The following IFI27 variants were observed in gnomAD, a reference collection of about 807,000 sequenced individuals.
IFI27 encodes the protein interferon alpha-inducible protein 27, mitochondrial.
In IFI27, 3 loss-of-function variants were observed where a neutral mutation model predicts 8.9. The observed-to-expected ratio is 0.34, with a 90% CI of 0.15 to 0.87. The LOEUF (loss-of-function observed/expected upper bound fraction) is 0.87, where lower values mean the gene tolerates loss of function less well. Among genes scored for constraint, IFI27 ranks in the 40% least tolerant of loss-of-function variants. The pLI is 0.51. For synonymous variants in IFI27, 66 were observed against 67.3 expected, an observed-to-expected ratio of 0.98 and a Z score of 0.09; for missense variants, 152 against 157.7, an observed-to-expected ratio of 0.96 and a Z score of 0.19.
chr14:94,109,744 T>C (rs77810274), upstream of IFI27, among the ~76,000 whole-genome samples: 383 of 152,342 alleles, frequency 2.5e-3, 3 homozygotes, highest in African/African-American at 8.6e-3. Flanking sequence ...CATTAAAGCC[T>C]TGCTGGCTCT....
At chr14:94,112,972 A>G (rs946183470) in intron 2 of IFI27, 5 of 152,268 alleles carry the variant, frequency 3.3e-5, no homozygotes, top group African/African-American at 1.2e-4. Context: ...ATAAAATTAA[A>G]ATAATAACAG....
upstream of IFI27, among the ~76,000 whole-genome samples, chr14:94,109,338 G>GAGGGCAGGGA (rs1011952176): frequency 1.4e-5 from 2 of 141,740 alleles, no homozygotes; most frequent in Non-Finnish European, 3.1e-5. Context: ...GAGGGGAGGG[G>GAGGGCAGGGA]AGGGCAGGGA....
chr14:94,113,652 A>G (rs1183553576), intron 2 of IFI27: 1 of 152,250 alleles, frequency 6.6e-6, no homozygotes, highest in Non-Finnish European at 1.5e-5. Flanking sequence ...GCCTCCAGAC[A>G]CACCGCAGCC....
chr14:94,114,899 G>A lies in IFI27; in HGVS notation c.121+19G>A, dbSNP rs1161444476. 2 of 1,613,330 alleles carry A rather than the reference G, an allele frequency of 1.2e-6. No individual in the cohort carries two copies. Among genetic ancestry groups the A allele is most frequent in the Non-Finnish European group, 1.7e-6 (2 of 1,179,254 alleles). ...GGAGGAGGTGAGTCTGTGGGGAAGGGGCTCAAGTAACCACCTGCCCCTAGG... is the reference window on the plus strand; with the variant it reads ...GGAGGAGGTGAGTCTGTGGGGAAGGAGCTCAAGTAACCACCTGCCCCTAGG... On this transcript the variant is annotated intron_variant, in intron 3 of 4. Coordinates refer to ENST00000621160, the Ensembl canonical transcript of IFI27.
At chr14:94,108,068 T>C (rs28373907), upstream of IFI27, among the ~76,000 whole-genome samples, 24,940 of 152,166 alleles carry the variant, frequency 0.16, 2,415 homozygotes, top group African/African-American at 0.27. Flanking sequence ...AACTCCCACT[T>C]ATGAGTAAGA....
At chr14:94,109,898 G>A (rs547028734), upstream of IFI27, among the ~76,000 whole-genome samples, 12 of 152,328 alleles carry the variant, frequency 7.9e-5, no homozygotes, top group South Asian at 2.5e-3. Flanking sequence ...GAGCCTGACT[G>A]TGTCATTTCT....
chr14:94,116,426 C>T lies in IFI27; in HGVS notation c.284-16C>T. On this transcript the variant is annotated splice_polypyrimidine_tract_variant and intron_variant, in intron 4 of 4. Coordinates refer to ENST00000621160, the Ensembl canonical transcript of IFI27. The surrounding 1 kb of genome is among the most constrained non-coding windows in gnomAD (Gnocchi z 4.3). ...ACAGGCATGTCCCACTCTGTCCACC[C>T]TCTGCTTCTTCCCAGGAGCAACTGG... The T allele has an allele frequency of 6.3e-7, 1 of 1,592,076 alleles. No homozygotes were observed. Among genetic ancestry groups the T allele is most frequent in the Non-Finnish European group, 8.6e-7 (1 of 1,163,070 alleles).
At chr14:94,114,559 C>A (rs1887315472) in intron 2 of IFI27, 2 of 461,726 alleles carry the variant, frequency 4.3e-6, no homozygotes, top group Admixed American at 3.5e-5. Context: ...CCTTGGGAGG[C>A]AGAAAAGAAA....
At chr14:94,106,334 C>T (rs1313735099), upstream of IFI27, among the ~76,000 whole-genome samples, 1 of 152,164 alleles carries the variant, frequency 6.6e-6, no homozygotes, top group Non-Finnish European at 1.5e-5. Context: ...GGATATATAC[C>T]CAGAGGTGGG....
chr14:94,109,320 A>AGGGAG (rs1166741734), upstream of IFI27, among the ~76,000 whole-genome samples: 3 of 106,204 alleles, frequency 2.8e-5, no homozygotes, highest in Admixed American at 2.1e-4. Context: ...AAGAAAGGAA[A>AGGGAG]GGGAGGGGAG....
chr14:94,111,487 G>T lies in IFI27; in HGVS notation c.-58-138G>T. 3.3e-6 allele frequency: 2 copies of T among 598,298 alleles called. No homozygotes were observed. The highest frequency in any genetic ancestry group is 6.0e-6 in the Non-Finnish European group (2 of 332,524). The allele number at this position is 598,298 out of a possible 1,614,324, so 37.1% of individuals were successfully genotyped here. A position where few individuals can be genotyped will look rare whatever the true frequency, so the allele number is the denominator to read the frequency against. On this transcript the variant is annotated intron_variant, in intron 1 of 4. Transcript: ENST00000621160. This position sits in a 1 kb window ranked among gnomAD's most constrained non-coding sequence, Gnocchi z 4.3. ...AACATCCCTCCCTCCCTCACCCCAG[G>T]ATCCTTTCAAGGCCTGCTGCTCCAC...
At chr14:94,110,288 T>G (rs563476763), upstream of IFI27, among the ~76,000 whole-genome samples, 1 of 152,398 alleles carries the variant, frequency 6.6e-6, no homozygotes, top group South Asian at 2.1e-4. Context: ...TATTTTGGTC[T>G]GTTTTGTTTA....
chr14:94,116,635 T>C lies in IFI27; in HGVS notation c.*108T>C. ...TATCCCAAATATACCTGGGGTGAAA[T>C]ATACCAAATTCTGCATCTCCAGAGG... On this transcript the variant is annotated 3_prime_UTR_variant, in exon 5 of 5. Transcript: ENST00000621160. This position sits in a 1 kb window ranked among gnomAD's most constrained non-coding sequence, Gnocchi z 4.3. 1 of 750,912 alleles carries C rather than the reference T, an allele frequency of 1.3e-6. No individual in the cohort carries two copies. The highest frequency in any genetic ancestry group is 2.3e-6 in the Non-Finnish European group (1 of 431,268). 46.5% of individuals were successfully genotyped at this position (750,912 alleles called of 1,614,324 possible). A position where few individuals can be genotyped will look rare whatever the true frequency, so the allele number is the denominator to read the frequency against.
At chr14:94,107,227 G>A (rs576284635), upstream of IFI27, among the ~76,000 whole-genome samples, 2 of 152,090 alleles carry the variant, frequency 1.3e-5, no homozygotes, top group South Asian at 2.1e-4. Flanking sequence ...ACACCACCAC[G>A]CCTTGCTAAT....
At chr14:94,115,389 CTCTTACATAA>C in intron 3 of IFI27, 1 of 534,752 alleles carries the variant, frequency 1.9e-6, no homozygotes. Flanking sequence ...CTGAATGTGC[CTCTTACATAA>C]TCTCCTGGGC....
chr14:94,115,025 G>A (rs2139299306), intron 3 of IFI27, 145 bp downstream of exon 3: 1 of 743,052 alleles, frequency 1.3e-6, no homozygotes, highest in South Asian at 1.6e-5. Flanking sequence ...TATGAACCAA[G>A]GAGCTAGAAA....
intron 2 of IFI27, among the ~76,000 whole-genome samples, chr14:94,112,581 C>A (rs985556181): frequency 1.3e-5 from 2 of 152,244 alleles, no homozygotes; most frequent in African/African-American, 4.8e-5. Context: ...TCCGCCAGCA[C>A]AAATGGCACA....
chr14:94,110,602 G>A (rs554880181), upstream of IFI27: 2 of 152,130 alleles, frequency 1.3e-5, no homozygotes, highest in African/African-American at 2.4e-5. Flanking sequence ...TCTGGACTGC[G>A]CATGAGGGGA....
At chr14:94,115,401 CTCCTGG>C in intron 3 of IFI27, 1 of 543,896 alleles carries the variant, frequency 1.8e-6, no homozygotes, top group South Asian at 1.5e-5. Context: ...CTTACATAAT[CTCCTGG>C]GCAACATCTG....
Sources: gnomAD v4.1 joint callset for allele counts (sites outside exome capture counted in the v4.1 genomes callset) on GRCh38, gnomAD v4.1.1 for gene constraint, Gnocchi (gnomAD v3.1) non-coding constraint, MANE v1.5 for transcripts, NCBI Gene and HGNC (gene_info 2026-07-23, HGNC 2026-07-21) for gene names.